ADK: variants seen among roughly 807,000 people sequenced by gnomAD.
ADK encodes the protein N6,N6-dimethyladenosine kinase.
ADK carries 24 observed loss-of-function variants against 44.7 expected under a neutral mutation model. The ratio of observed to expected loss-of-function variants is 0.54; its 90% CI spans 0.39 to 0.76. The LOEUF (loss-of-function observed/expected upper bound fraction) is 0.76, where lower values mean the gene tolerates loss of function less well. Among genes scored for constraint, ADK ranks in the 30% least tolerant of loss-of-function variants. The pLI is 0.00. For synonymous variants in ADK, 128 were observed against 142.6 expected (o/e 0.90, Z 0.73); for missense variants, 321 against 425.1 (o/e 0.76, Z 2.15).
Position 74,199,588 on chromosome 10 carries a change from A to G in ADK, c.66-1176A>G, listed in dbSNP as rs147460470. 2.2e-3 allele frequency among the ~76,000 whole-genome samples: 332 copies of G among 152,266 alleles called. 2 individuals carry two copies. Among genetic ancestry groups the G allele is most frequent in the African/African-American group, 7.6e-3 (314 of 41,552 alleles). On this transcript the variant is annotated intron_variant, in intron 1 of 10. Transcript: ENST00000539909. ...TTGAATTTTCTTTATCCATTCTACC[A>G]TTGATGGGCACCTAAGTTGATTCCA...
At chr10:74,160,762 G>A (rs1285583215) in intron 1 of ADK, among the ~76,000 whole-genome samples, 1 of 135,946 alleles carries the variant, frequency 7.4e-6, no homozygotes, top group African/African-American at 2.8e-5. Flanking sequence ...GAGCCAGTGA[G>A]TGTAGGCATT....
At chr10:74,633,631 G>A (rs1411414633) in intron 9 of ADK, among the ~76,000 whole-genome samples, 1 of 152,136 alleles carries the variant, frequency 6.6e-6, no homozygotes, top group Non-Finnish European at 1.5e-5. Context: ...AATAGGGTAG[G>A]AATAGCTCAT....
chr10:74,400,113 G>T (rs1209427038), intron 6 of ADK, among the ~76,000 whole-genome samples: 1 of 152,088 alleles, frequency 6.6e-6, no homozygotes, highest in African/African-American at 2.4e-5. Context: ...ATACTTACGT[G>T]CAATTTTGTA....
At chr10:74,239,777 A>G (rs1003093499) in intron 3 of ADK, among the ~76,000 whole-genome samples, 1 of 151,804 alleles carries the variant, frequency 6.6e-6, no homozygotes, top group Admixed American at 6.6e-5. Context: ...ATCTCTGGAA[A>G]AAACAAAATA....
chr10:74,608,755 G>A (rs1471627255), intron 9 of ADK, among the ~76,000 whole-genome samples: 2 of 152,164 alleles, frequency 1.3e-5, no homozygotes, highest in Non-Finnish European at 2.9e-5. Flanking sequence ...CGAGCACTGT[G>A]CTGGGAGATT....
Position 74,406,341 on chromosome 10 carries a change from T to C in ADK, c.555+7762T>C, listed in dbSNP as rs183372927. Among the ~76,000 whole-genome samples the C allele has an allele frequency of 5.8e-3, 884 of 152,274 alleles. 6 individuals are homozygous for C. Among genetic ancestry groups the C allele is most frequent in the Middle Eastern group, 0.014 (4 of 294 alleles). On this transcript the variant is annotated intron_variant, in intron 6 of 10. Transcript: ENST00000539909. ...ATGTCTTTTAACCTCCTTTATCTGC[T>C]TTTAAGATGTTTATCACTGATTTTA...
chr10:74,324,146 C>G (rs573049091), intron 4 of ADK, among the ~76,000 whole-genome samples: 6 of 152,278 alleles, frequency 3.9e-5, no homozygotes, highest in African/African-American at 1.4e-4. Context: ...CCTCTGCCTC[C>G]CGAGTAGCTG....
At chr10:74,404,280 A>G (rs1843828963) in intron 6 of ADK, among the ~76,000 whole-genome samples, 2 of 151,682 alleles carry the variant, frequency 1.3e-5, no homozygotes, top group African/African-American at 2.4e-5. Context: ...CCTTGCTGCT[A>G]TTTTTGTTTA....
rs145626126 is a variant in ADK, at chr10:74,497,274, T to C, written c.556-27982T>C. ...ACTGGGATGTGGTACTTTTCCTTTTTTCACTTATAGTTGTTTTGAAGTTTG... is the reference window on the plus strand; with the variant it reads ...ACTGGGATGTGGTACTTTTCCTTTTCTCACTTATAGTTGTTTTGAAGTTTG... On this transcript the variant is annotated intron_variant, in intron 6 of 10. Coordinates refer to ENST00000539909, the MANE Select transcript of ADK (RefSeq NM_006721.4). 3.5e-4 allele frequency among the ~76,000 whole-genome samples: 54 copies of C among 152,384 alleles called. 1 individual carries two copies. In the East Asian group the frequency reaches 9.8e-3, roughly 28 times the overall value.
intron 6 of ADK, among the ~76,000 whole-genome samples, chr10:74,497,187 C>A (rs546119330): frequency 7.2e-5 from 11 of 152,322 alleles, no homozygotes; most frequent in African/African-American, 2.4e-4. Flanking sequence ...AATATTTGTA[C>A]ATTACTCTCC....
intron 6 of ADK, among the ~76,000 whole-genome samples, chr10:74,469,972 C>T (rs1846503548): frequency 1.3e-5 from 2 of 150,770 alleles, no homozygotes; most frequent in South Asian, 4.2e-4. Context: ...GACAGGATTT[C>T]CTTCTCTCTT....
At chr10:74,251,647 G>A (rs1845655482) in intron 3 of ADK, among the ~76,000 whole-genome samples, 1 of 152,062 alleles carries the variant, frequency 6.6e-6, no homozygotes, top group East Asian at 1.9e-4. Flanking sequence ...GCAAATAAGT[G>A]GTGGATGGGT....
At chr10:74,216,490 C>A (rs529287027) in intron 2 of ADK, among the ~76,000 whole-genome samples, 1 of 151,958 alleles carries the variant, frequency 6.6e-6, no homozygotes, top group East Asian at 1.9e-4. Flanking sequence ...TTTGGGAGGA[C>A]AAGGTGGGCG....
intron 2 of ADK, among the ~76,000 whole-genome samples, chr10:74,205,956 A>G (rs1353941502): frequency 2.0e-5 from 3 of 152,224 alleles, no homozygotes; most frequent in Non-Finnish European, 4.4e-5. Context: ...TTAAATGTCT[A>G]CAGTTTATTG....
At chr10:74,365,615 G>T (rs191910249) in intron 4 of ADK, among the ~76,000 whole-genome samples, 1 of 152,058 alleles carries the variant, frequency 6.6e-6, no homozygotes, top group Non-Finnish European at 1.5e-5. Context: ...AGATCATTTC[G>T]TCTGGGAACA....
At chr10:74,348,530 C>T (rs963473345) in intron 4 of ADK, among the ~76,000 whole-genome samples, 1 of 151,986 alleles carries the variant, frequency 6.6e-6, no homozygotes, top group African/African-American at 2.4e-5. Context: ...GCCTCTTTGC[C>T]TCCAAATAAT....
At chr10:74,186,806 T>TC (rs1359966243) in intron 1 of ADK, among the ~76,000 whole-genome samples, 1 of 151,986 alleles carries the variant, frequency 6.6e-6, no homozygotes, top group Non-Finnish European at 1.5e-5. Flanking sequence ...CAGTAGTTTT[T>TC]CCCTTTTATT....
At chr10:74,399,686 CTGTATTTCT>C (rs1439178822) in intron 6 of ADK, among the ~76,000 whole-genome samples, 1 of 151,676 alleles carries the variant, frequency 6.6e-6, no homozygotes, top group Admixed American at 6.6e-5. Context: ...AATCTTGATA[CTGTATTTCT>C]TGTAGTGTGA....
intron 2 of ADK, among the ~76,000 whole-genome samples, chr10:74,203,142 G>A (rs755287899): frequency 2.6e-5 from 4 of 152,004 alleles, no homozygotes; most frequent in South Asian, 2.1e-4. Context: ...ATGAAATAAG[G>A]GTTCAACTTT....
Sources: gnomAD v4.1 joint callset for allele counts (sites outside exome capture counted in the v4.1 genomes callset) on GRCh38, gnomAD v4.1.1 for gene constraint, MANE v1.5 for transcripts, NCBI Gene and HGNC (gene_info 2026-07-23, HGNC 2026-07-21) for gene names.